Variants in SOX6 observed in about 807,000 individuals in gnomAD.
SOX6 encodes the protein SRY-box transcription factor 6, also known as transcription factor SOX-6.
SOX6 carries 11 observed loss-of-function variants against 97.8 expected under a neutral mutation model. That is an observed-to-expected ratio of 0.11 (90% CI 0.07 to 0.19). SOX6 has a LOEUF of 0.19. Ranked by LOEUF, SOX6 falls within the 10% of genes least tolerant of loss-of-function variation. The pLI, the probability that SOX6 is intolerant of heterozygous loss-of-function variation, is 1.00. For missense variants in SOX6, 810 were observed against 1,039.5 expected (o/e 0.78, Z 3.04); for synonymous variants, 360 against 371.4 (o/e 0.97, Z 0.35).
At chr11:16,669,910 C>G (rs1409848439) in intron 3 of SOX6, among the ~76,000 whole-genome samples, 1 of 152,172 alleles carries the variant, frequency 6.6e-6, no homozygotes, top group South Asian at 2.1e-4. Flanking sequence ...TGCAACTGCT[C>G]TGCCACTACA....
At chr11:16,602,500 T>C (rs1341912399) in intron 4 of SOX6, among the ~76,000 whole-genome samples, 1 of 152,180 alleles carries the variant, frequency 6.6e-6, no homozygotes, top group Admixed American at 6.5e-5. Flanking sequence ...TTTTCAAAAC[T>C]GTAGAAGGAA....
At chr11:16,638,881 C>T (rs1848841683) in intron 3 of SOX6, among the ~76,000 whole-genome samples, 1 of 152,144 alleles carries the variant, frequency 6.6e-6, no homozygotes, top group South Asian at 2.1e-4. Context: ...CCTGTTCACT[C>T]TGATGGTAGT....
At chr11:16,646,949 A>G (rs1849023860) in intron 3 of SOX6, among the ~76,000 whole-genome samples, 1 of 152,166 alleles carries the variant, frequency 6.6e-6, no homozygotes, top group Admixed American at 6.5e-5. Context: ...TTACTTCTTT[A>G]AGGAACCTCC....
intron 6 of SOX6, among the ~76,000 whole-genome samples, chr11:16,148,242 C>T (rs956678348): frequency 7.9e-5 from 12 of 152,140 alleles, no homozygotes; most frequent in African/African-American, 2.9e-4. Flanking sequence ...TTTTATTCTT[C>T]ATTGTTTGAA....
intron 4 of SOX6, among the ~76,000 whole-genome samples, chr11:16,502,945 G>T (rs1362636017): frequency 6.6e-6 from 1 of 152,076 alleles, no homozygotes; most frequent in Non-Finnish European, 1.5e-5. Context: ...GTTAAAGAGA[G>T]AATTAAAACA....
At chr11:16,190,077 C>T (rs1158855393) in intron 4 of SOX6, among the ~76,000 whole-genome samples, 3 of 152,046 alleles carry the variant, frequency 2.0e-5, no homozygotes, top group Admixed American at 6.6e-5. Flanking sequence ...CACAGTGAAG[C>T]CAAAAGATTT....
rs181392775 is a variant in SOX6 at position 16,643,526 on chromosome 11, G to T, written n.430-31266C>A. Among the ~76,000 whole-genome samples the T allele has an allele frequency of 4.2e-3, 640 of 152,324 alleles. 4 individuals are homozygous for T. The highest frequency in any genetic ancestry group is 0.015 in the African/African-American group (619 of 41,562). ...TGCCCCCAGAGGTGGAGTCTACAGA[G>T]GCAGGCAGGCCTCCTTGACCTGTGG... On this transcript the variant is annotated intron_variant and non_coding_transcript_variant, in intron 3 of 5. Transcript: ENST00000524520.
chr11:16,011,963 C>A (rs1215495571), intron 13 of SOX6, among the ~76,000 whole-genome samples: 1 of 151,978 alleles, frequency 6.6e-6, no homozygotes. Flanking sequence ...GTACATATTT[C>A]CCTTTTAATC....
At chr11:16,463,184 C>T (rs1432446426) in intron 1 of SOX6, among the ~76,000 whole-genome samples, 1 of 152,176 alleles carries the variant, frequency 6.6e-6, no homozygotes, top group Non-Finnish European at 1.5e-5. Context: ...AAACTCAGAT[C>T]AACTGTTTAA....
intron 1 of SOX6, among the ~76,000 whole-genome samples, chr11:16,421,048 T>C (rs1859011685): frequency 6.6e-6 from 1 of 152,132 alleles, no homozygotes; most frequent in African/African-American, 2.4e-5. Context: ...AGAAAAAAAA[T>C]GGCAAAATTG....
intron 3 of SOX6, among the ~76,000 whole-genome samples, chr11:16,648,672 T>C (rs909633607): frequency 2.0e-5 from 3 of 152,058 alleles, no homozygotes; most frequent in African/African-American, 7.2e-5. Flanking sequence ...TCTACCCAAA[T>C]GAGAAGGAAC....
At chr11:16,675,006 C>T (rs568563025) in intron 3 of SOX6, among the ~76,000 whole-genome samples, 1 of 152,098 alleles carries the variant, frequency 6.6e-6, no homozygotes, top group Admixed American at 6.5e-5. Flanking sequence ...CTCAAATTAT[C>T]CTTGTCTGCT....
intron 12 of SOX6, among the ~76,000 whole-genome samples, chr11:16,041,443 A>G (rs1245195232): frequency 6.6e-6 from 1 of 152,126 alleles, no homozygotes; most frequent in East Asian, 1.9e-4. Context: ...CTATTCTGAT[A>G]TTTTTGAAAC....
intron 9 of SOX6, among the ~76,000 whole-genome samples, chr11:16,058,853 T>C (rs915628056): frequency 6.6e-6 from 1 of 152,096 alleles, no homozygotes; most frequent in African/African-American, 2.4e-5. Context: ...GGTTATGTGC[T>C]CATGGGGCTG....
chr11:16,580,276 C>T (rs1589993589), intron 4 of SOX6, among the ~76,000 whole-genome samples: 1 of 152,104 alleles, frequency 6.6e-6, no homozygotes, highest in African/African-American at 2.4e-5. Context: ...GTTAAAATGT[C>T]CTTTAAAAAT....
intron 3 of SOX6, among the ~76,000 whole-genome samples, chr11:16,270,765 T>C (rs925544410): frequency 6.6e-6 from 1 of 151,390 alleles, no homozygotes; most frequent in Non-Finnish European, 1.5e-5. Flanking sequence ...ATAAAAGTCA[T>C]ACACAAAAGG....
intron 1 of SOX6, among the ~76,000 whole-genome samples, chr11:16,418,932 A>G (rs1167202287): frequency 1.3e-5 from 2 of 152,134 alleles, no homozygotes; most frequent in Admixed American, 6.6e-5. Context: ...ATTTCTCTGA[A>G]CAGTAGAGGC....
intron 3 of SOX6, among the ~76,000 whole-genome samples, chr11:16,687,658 T>C (rs1025758318): frequency 2.0e-5 from 3 of 152,162 alleles, no homozygotes; most frequent in Non-Finnish European, 4.4e-5. Context: ...TTGCTGGCAA[T>C]AGATTTATAG....
At chr11:16,374,214 A>C (rs1021888250) in intron 1 of SOX6, among the ~76,000 whole-genome samples, 3 of 152,060 alleles carry the variant, frequency 2.0e-5, no homozygotes, top group Admixed American at 6.6e-5. Context: ...CCTCTTATAA[A>C]ACACTAAAAC....
Sources: allele counts gnomAD v4.1 joint callset (sites outside exome capture counted in the v4.1 genomes callset), GRCh38; gene constraint gnomAD v4.1.1; transcripts MANE v1.5; gene names NCBI Gene and HGNC (gene_info 2026-07-23, HGNC 2026-07-21).